The following BIRC6 variants were observed in gnomAD, a reference collection of about 807,000 sequenced individuals.
BIRC6 encodes baculoviral IAP repeat containing 6, also known as dual E2 ubiquitin-conjugating enzyme/E3 ubiquitin-protein ligase BIRC6.
Under a neutral mutation model 503.3 loss-of-function variants are expected in BIRC6, and 98 were observed. The ratio of observed to expected loss-of-function variants is 0.19; its 90% CI spans 0.17 to 0.23. BIRC6 has a LOEUF of 0.23. Among genes scored for constraint, BIRC6 ranks in the 10% least tolerant of loss-of-function variants. The pLI, the probability that BIRC6 is intolerant of heterozygous loss-of-function variation, is 1.00. For synonymous variants in BIRC6, 2,240 were observed against 2,078.7 expected (o/e 1.08, Z -2.11); for missense variants, 5,360 against 5,806.0 (o/e 0.92, Z 2.50).
intron 10 of BIRC6, among the ~76,000 whole-genome samples, chr2:32,425,535 T>G (rs187704503): frequency 1.5e-3 from 222 of 152,134 alleles, no homozygotes; most frequent in African/African-American, 4.6e-3. Context: ...TATTGTAATG[T>G]GGTACCTCTA....
At chr2:32,445,716 T>TC (rs764324855) in intron 21 of BIRC6, 48 bp downstream of exon 21, 1 of 1,342,956 alleles carries the variant, frequency 7.4e-7, no homozygotes, top group African/African-American at 1.5e-5. Flanking sequence ...CTGAGTATGA[T>TC]CACGCTTTTG....
chr2:32,573,243 G>A (rs1018623135), intron 65 of BIRC6, among the ~76,000 whole-genome samples: 1 of 152,138 alleles, frequency 6.6e-6, no homozygotes, highest in Non-Finnish European at 1.5e-5. Context: ...CTGTCACCCA[G>A]GCCGGAGTGC....
chr2:32,457,325 A>G (rs1458206848), intron 23 of BIRC6, among the ~76,000 whole-genome samples: 3 of 152,136 alleles, frequency 2.0e-5, no homozygotes, highest in African/African-American at 7.2e-5. Flanking sequence ...TTAGTGATAT[A>G]TTCCTGTTTA....
At chr2:32,358,615 A>G (rs552629226) in intron 1 of BIRC6, among the ~76,000 whole-genome samples, 1 of 152,366 alleles carries the variant, frequency 6.6e-6, no homozygotes, top group South Asian at 2.1e-4. Context: ...CAACCAATTC[A>G]CTTGTATTTT....
Position 32,487,752 on chromosome 2 carries a change from A to G in BIRC6, c.7919A>G (p.Asn2640Ser), listed in dbSNP as rs767600870. 3 of 1,613,532 alleles carry G rather than the reference A, an allele frequency of 1.9e-6. No individual in the cohort carries two copies. The highest frequency in any genetic ancestry group is 2.5e-6 in the Non-Finnish European group (3 of 1,179,554). ...CAGTTATCATCTGTCCCAATGTTAA[A>G]TGTTTGTTTCAACAAACTTTTTTCC... ...IIQLSSVPML[N>S]VCFNKLFSML... Residue 2640 changes from asparagine to serine, a missense_variant, in exon 41 of 74, where the codon AAT (asparagine) becomes AGT (serine). Around this residue, in one of 16 missense-constraint regions of BIRC6, gnomAD observed 2,299 missense variants for 2,267.2 expected, o/e 1.01. Coordinates refer to ENST00000421745, the MANE Select transcript of BIRC6 (RefSeq NM_016252.4).
In BIRC6 at chr2:32,445,512, T is replaced by G. The variant is rs779752411; in HGVS notation, c.4337-9T>G. ...AAAGAAACATTTATTTTGTTTTTAT[T>G]GTTTCCAGGTTCTGTCTATTGGTAT... is the stretch of plus-strand genomic sequence containing the variant. On this transcript the variant is annotated splice_polypyrimidine_tract_variant and intron_variant, in intron 20 of 73. Coordinates refer to ENST00000421745, the MANE Select transcript of BIRC6 (RefSeq NM_016252.4). 6.5e-7 allele frequency: 1 copy of G among 1,532,684 alleles called. No individual in the cohort carries two copies. Among genetic ancestry groups the G allele is most frequent in the African/African-American group, 1.4e-5 (1 of 71,396 alleles). The allele number at this position is 1,532,684 out of a possible 1,614,324, so 94.9% of individuals were successfully genotyped here.
chr2:32,397,130 A>G (rs2039987629), intron 6 of BIRC6, among the ~76,000 whole-genome samples: 1 of 152,114 alleles, frequency 6.6e-6, no homozygotes, highest in Non-Finnish European at 1.5e-5. Context: ...TACTGTACTC[A>G]TCTATTTTGG....
chr2:32,448,649 C>A, intron 21 of BIRC6, 146 bp from the exon 22 acceptor site: 2 of 611,756 alleles, frequency 3.3e-6, no homozygotes, highest in Non-Finnish European at 5.4e-6. Context: ...TGGAAGGGGA[C>A]CGTGGAGAGG....
At chr2:32,603,219 T>C (rs1379276437) in intron 71 of BIRC6, 136 bp downstream of exon 71, 2 of 583,126 alleles carry the variant, frequency 3.4e-6, no homozygotes, top group Non-Finnish European at 5.7e-6. Flanking sequence ...ATTAAATAGC[T>C]TATAGGTGAG....
chr2:32,546,619 A>C (rs960466024), intron 63 of BIRC6, among the ~76,000 whole-genome samples: 5 of 152,100 alleles, frequency 3.3e-5, no homozygotes, highest in Non-Finnish European at 5.9e-5. Flanking sequence ...TTAATGGCAT[A>C]AGTGAGTTTA....
At chr2:32,556,011 CAGTT>C (rs780094065) in intron 65 of BIRC6, among the ~76,000 whole-genome samples, 39 of 151,218 alleles carry the variant, frequency 2.6e-4, no homozygotes, top group South Asian at 4.2e-4. Flanking sequence ...GTTTTTGTGA[CAGTT>C]AGCTGAGCAG....
At chr2:32,465,247 C>A (rs1269403223) in intron 26 of BIRC6, 83 bp downstream of exon 26, 8 of 341,250 alleles carry the variant, frequency 2.3e-5, no homozygotes, top group Non-Finnish European at 3.1e-5. Flanking sequence ...TTCTTCAGTT[C>A]GATTTTTTTT....
At position 32,464,408 on chromosome 2, in the gene BIRC6, T is replaced by C. The variant is rs912893774; in HGVS notation, c.4942-101T>C. 5.7e-4 allele frequency: 753 copies of C among 1,314,450 alleles called. 3 individuals carry two copies. The highest frequency in any genetic ancestry group is 6.0e-4 in the Non-Finnish European group (593 of 987,616). The allele number at this position is 1,314,450 out of a possible 1,614,324, so 81.4% of individuals were successfully genotyped here. On this transcript the variant is annotated intron_variant, in intron 24 of 73. Transcript: ENST00000421745. ...TAATTTCATCTTTAAGTATGATCAA[T>C]TTAATCATGTTTATCTTCATAATAT...
intron 21 of BIRC6, among the ~76,000 whole-genome samples, chr2:32,448,531 A>G (rs983913898): frequency 5.3e-5 from 8 of 152,012 alleles, no homozygotes; most frequent in African/African-American, 1.4e-4. Context: ...CGCGCCTGCA[A>G]TGGCAGGCAC....
Position 32,525,490 on chromosome 2 carries a change from G to T in BIRC6, c.11782G>T (p.Val3928Leu). The T allele has an allele frequency of 1.2e-6, 2 of 1,613,964 alleles. No individual in the cohort carries two copies. Among genetic ancestry groups the T allele is most frequent in the Non-Finnish European group, 1.7e-6 (2 of 1,179,880 alleles). The part of the protein sequence containing the change: ...SGLKSQSKRA[V>L]SATPPRPPSR... ...GCTGAAGTCTCAATCTAAACGTGCT[G>T]TGTCAGCTACACCACCTCGCCCACC... Residue 3928 changes from valine to leucine, a missense_variant, in exon 59 of 74, where the codon GTG becomes TTG. Val to Leu is a conservative substitution (Grantham distance 32, BLOSUM62 1). Coordinates refer to ENST00000421745, the MANE Select transcript of BIRC6 (RefSeq NM_016252.4).
intron 65 of BIRC6, among the ~76,000 whole-genome samples, chr2:32,570,824 G>T (rs1022898109): frequency 4.6e-5 from 7 of 152,100 alleles, no homozygotes; most frequent in African/African-American, 1.4e-4. Flanking sequence ...AAGGGTTGAG[G>T]TCTTGCTCTG....
In BIRC6 at chr2:32,392,626, T is replaced by A. The variant is rs924273222; in HGVS notation, c.951+476T>A. Among the ~76,000 whole-genome samples, 13 of 152,152 alleles carry A rather than the reference T, an allele frequency of 8.5e-5. No individual in the cohort carries two copies. The East Asian group carries it at 2.5e-3, about 29-fold the overall frequency. ...CAACTTTTTTAAAAAACAATTATTT[T>A]TATTTTTTGTCTTTGAGACAGGGTC... On this transcript the variant is annotated intron_variant, in intron 5 of 73. Coordinates refer to ENST00000421745, the MANE Select transcript of BIRC6 (RefSeq NM_016252.4).
At chr2:32,595,244 C>T in intron 68 of BIRC6, 100 bp downstream of exon 68, 1 of 707,600 alleles carries the variant, frequency 1.4e-6, no homozygotes, top group Non-Finnish European at 2.3e-6. Context: ...TTTAAAATTG[C>T]TTGTAACATG....
At chr2:32,397,143 C>A (rs1472064605) in intron 6 of BIRC6, among the ~76,000 whole-genome samples, 2 of 152,110 alleles carry the variant, frequency 1.3e-5, no homozygotes, top group African/African-American at 2.4e-5. Context: ...TATTTTGGGA[C>A]CATGGTTGAC....
Sources: allele counts gnomAD v4.1 joint callset (sites outside exome capture counted in the v4.1 genomes callset), GRCh38; gene constraint gnomAD v4.1.1; regional missense constraint gnomAD v4.1.1; transcripts MANE v1.5; gene names NCBI Gene and HGNC (gene_info 2026-07-23, HGNC 2026-07-21).